The following PTPRD variants were observed in gnomAD, a reference collection of about 807,000 sequenced individuals.
The protein encoded by PTPRD is receptor-type tyrosine-protein phosphatase delta.
PTPRD carries 34 observed loss-of-function variants against 214.5 expected under a neutral mutation model. That is an observed-to-expected ratio of 0.16 (90% confidence interval 0.12 to 0.21). PTPRD has a LOEUF of 0.21. Among genes scored for constraint, PTPRD ranks in the 10% least tolerant of loss-of-function variants. The pLI is 1.00. For missense variants in PTPRD, 2,545 were observed against 2,398.7 expected, an observed-to-expected ratio of 1.06 and a Z score of -1.27; for synonymous variants, 1,128 against 845.7, an observed-to-expected ratio of 1.33 and a Z score of -5.79.
chr9:8,683,599 T>C (rs2097597897), intron 12 of PTPRD, among the ~76,000 whole-genome samples: 1 of 152,198 alleles, frequency 6.6e-6, no homozygotes, highest in Non-Finnish European at 1.5e-5. Flanking sequence ...GCCAGTCCTA[T>C]GGCAGGTCAT....
intron 5 of PTPRD, among the ~76,000 whole-genome samples, chr9:9,876,358 T>A (rs1019246119): frequency 3.9e-5 from 6 of 152,142 alleles, no homozygotes; most frequent in Admixed American, 3.3e-4. Context: ...CTTTTTAAAG[T>A]AGGGCTTCAG....
intron 3 of PTPRD, among the ~76,000 whole-genome samples, chr9:10,258,849 T>C (rs2093481893): frequency 6.6e-6 from 1 of 152,208 alleles, no homozygotes; most frequent in South Asian, 2.1e-4. Context: ...TTATTTTTTA[T>C]ACTTAATTTA....
chr9:8,561,364 G>A (rs946485521), intron 14 of PTPRD, among the ~76,000 whole-genome samples: 1 of 151,842 alleles, frequency 6.6e-6, no homozygotes, highest in Non-Finnish European at 1.5e-5. Context: ...GCCCCTGACT[G>A]TGAGCTGTTC....
intron 2 of PTPRD, among the ~76,000 whole-genome samples, chr9:10,401,815 C>T (rs1274081567): frequency 6.6e-6 from 1 of 150,854 alleles, no homozygotes; most frequent in Non-Finnish European, 1.5e-5. Flanking sequence ...CCCATAACAG[C>T]ATATGTAAAT....
At chr9:9,432,085 T>C (rs573062425) in intron 8 of PTPRD, among the ~76,000 whole-genome samples, 24 of 134,856 alleles carry the variant, frequency 1.8e-4, no homozygotes, top group African/African-American at 6.1e-4. Flanking sequence ...ATAATAATAA[T>C]AATAAAAGAA....
chr9:9,651,151 G>A (rs761978802), intron 7 of PTPRD, among the ~76,000 whole-genome samples: 1 of 152,062 alleles, frequency 6.6e-6, no homozygotes, highest in Non-Finnish European at 1.5e-5. Flanking sequence ...ATTGGTTCTT[G>A]TGTAAAATAC....
chr9:9,359,827 G>A (rs533242551), intron 9 of PTPRD, among the ~76,000 whole-genome samples: 51 of 151,302 alleles, frequency 3.4e-4, no homozygotes, highest in Non-Finnish European at 6.2e-4. Flanking sequence ...TGCCTGCTGC[G>A]TGGAGGCAAT....
At chr9:9,778,029 A>G (rs1213991634) in intron 5 of PTPRD, among the ~76,000 whole-genome samples, 1 of 152,192 alleles carries the variant, frequency 6.6e-6, no homozygotes, top group Admixed American at 6.5e-5. Context: ...GCAGTGATAG[A>G]GAGGGGAGAC....
At chr9:8,521,860 C>T (rs2097898091) in intron 19 of PTPRD, among the ~76,000 whole-genome samples, 1 of 152,102 alleles carries the variant, frequency 6.6e-6, no homozygotes, top group Non-Finnish European at 1.5e-5. Flanking sequence ...AAGATAAACA[C>T]AAAAACATAT....
At chr9:8,946,225 G>A (rs1164106933) in intron 11 of PTPRD, among the ~76,000 whole-genome samples, 1 of 151,872 alleles carries the variant, frequency 6.6e-6, no homozygotes, top group South Asian at 2.1e-4. Context: ...TTGTTTTTTT[G>A]TTCCTTCATT....
intron 7 of PTPRD, among the ~76,000 whole-genome samples, chr9:9,670,511 A>C (rs2096807198): frequency 6.6e-6 from 1 of 152,244 alleles, no homozygotes; most frequent in South Asian, 2.1e-4. Context: ...ACAATAAGGG[A>C]AAACGGAAAA....
chr9:9,141,354 A>G (rs116505471), intron 10 of PTPRD, among the ~76,000 whole-genome samples: 4,667 of 151,992 alleles, frequency 0.031, 238 homozygotes, highest in African/African-American at 0.11. Flanking sequence ...AACACAGGTA[A>G]TTAAGAAAGG....
chr9:9,035,175 G>T (rs552404899), intron 10 of PTPRD, among the ~76,000 whole-genome samples: 1 of 152,108 alleles, frequency 6.6e-6, no homozygotes, highest in South Asian at 2.1e-4. Flanking sequence ...ACTTTTGCAT[G>T]AATGAAAAAA....
chr9:9,274,749 T>A (rs1370411100), intron 9 of PTPRD, among the ~76,000 whole-genome samples: 1 of 150,906 alleles, frequency 6.6e-6, no homozygotes, highest in Non-Finnish European at 1.5e-5. Flanking sequence ...TGGAGCTGAC[T>A]TAAGACACAC....
At chr9:10,438,426 C>T (rs695004) in intron 2 of PTPRD, among the ~76,000 whole-genome samples, 3,904 of 151,730 alleles carry the variant, frequency 0.026, 140 homozygotes, top group African/African-American at 0.083. Flanking sequence ...AGAGGAGCAT[C>T]TATACGGTGA....
chr9:9,539,032 C>G (rs626391), intron 8 of PTPRD, among the ~76,000 whole-genome samples: 54,822 of 151,358 alleles, frequency 0.36, 10,193 homozygotes, highest in African/African-American at 0.39. Context: ...TTCAAGTATG[C>G]CAGACAAAAA....
chr9:9,482,444 C>A (rs2095455851), intron 8 of PTPRD, among the ~76,000 whole-genome samples: 1 of 152,096 alleles, frequency 6.6e-6, no homozygotes, highest in Non-Finnish European at 1.5e-5. Context: ...GTTGAAGTGT[C>A]TATATAATCT....
intron 4 of PTPRD, among the ~76,000 whole-genome samples, chr9:9,951,461 C>T (rs931994302): frequency 6.6e-6 from 1 of 152,142 alleles, no homozygotes; most frequent in Non-Finnish European, 1.5e-5. Context: ...TCATGAGAAA[C>T]TATGTCCTAG....
chr9:8,905,954 G>T (rs962652539), intron 11 of PTPRD, among the ~76,000 whole-genome samples: 6 of 152,068 alleles, frequency 3.9e-5, no homozygotes, highest in African/African-American at 1.2e-4. Flanking sequence ...AGCTTCATTT[G>T]GAATGCCAAA....
Sources: gnomAD v4.1 joint callset for allele counts (sites outside exome capture counted in the v4.1 genomes callset) on GRCh38, gnomAD v4.1.1 for gene constraint, MANE v1.5 for transcripts, NCBI Gene and HGNC (gene_info 2026-07-23, HGNC 2026-07-21) for gene names.